CTBP2: variants seen among roughly 807,000 people sequenced by gnomAD.
CTBP2 encodes C-terminal binding protein 2.
CTBP2 carries 30 observed loss-of-function variants against 80.3 expected under a neutral mutation model. The ratio of observed to expected loss-of-function variants is 0.37; its 90% CI spans 0.28 to 0.51. The LOEUF is 0.51. Ranked by LOEUF, CTBP2 falls within the 20% of genes least tolerant of loss-of-function variation. CTBP2 has a pLI of 0.93. For synonymous variants in CTBP2, 594 were observed against 587.4 expected, an observed-to-expected ratio of 1.01 and a Z score of -0.16; for missense variants, 1,212 against 1,375.3, an observed-to-expected ratio of 0.88 and a Z score of 1.88.
chr10:125,054,177 G>T (rs551385766), intron 2 of CTBP2, among the ~76,000 whole-genome samples: 25 of 152,228 alleles, frequency 1.6e-4, no homozygotes, highest in Admixed American at 1.6e-3. Flanking sequence ...GCCAGAAAAA[G>T]AATCAATCCC....
intron 2 of CTBP2, among the ~76,000 whole-genome samples, chr10:125,046,752 C>A (rs1564793601): frequency 6.6e-6 from 1 of 152,138 alleles, no homozygotes; most frequent in Non-Finnish European, 1.5e-5. Flanking sequence ...TAGGAGAGGG[C>A]ACACTATGAG....
chr10:125,030,148 A>T (rs372764794), upstream of CTBP2, among the ~76,000 whole-genome samples: 5 of 2,420 alleles, frequency 2.1e-3, no homozygotes, highest in Non-Finnish European at 0.013. Flanking sequence ...CACAAACACC[A>T]CACACACACA....
chr10:125,005,488 C>T (rs1314870365), intron 1 of CTBP2: 4 of 1,506,922 alleles, frequency 2.7e-6, no homozygotes, highest in East Asian at 4.8e-5. Context: ...ACCAGGAAAA[C>T]AGGGCAGGGG....
chr10:125,004,306 C>T (rs986067825), intron 1 of CTBP2, among the ~76,000 whole-genome samples: 7 of 152,216 alleles, frequency 4.6e-5, no homozygotes, highest in African/African-American at 7.2e-5. Flanking sequence ...CGCATGCTTG[C>T]GCCCCGTGCA....
intron 2 of CTBP2, among the ~76,000 whole-genome samples, chr10:125,085,751 CTA>C (rs1847877576): frequency 6.6e-6 from 1 of 152,340 alleles, no homozygotes; most frequent in East Asian, 1.9e-4. Flanking sequence ...AGCTCTGCTA[CTA>C]TATGAGTTCA....
intron 1 of CTBP2, among the ~76,000 whole-genome samples, chr10:125,018,052 A>G (rs1299206083): frequency 2.6e-5 from 4 of 152,144 alleles, no homozygotes; most frequent in African/African-American, 9.7e-5. Context: ...CTCCTCCCCA[A>G]GTGTATACCA....
At chr10:125,106,943 G>A (rs965546484) in intron 2 of CTBP2, among the ~76,000 whole-genome samples, 2 of 152,240 alleles carry the variant, frequency 1.3e-5, no homozygotes, top group African/African-American at 2.4e-5. Flanking sequence ...CAAAAAGAAG[G>A]GGAATGGACG....
rs56714830 is a variant in CTBP2 at position 125,090,285 on chromosome 10, C to CAA, written c.-102+20703_-102+20704dup. Among the ~76,000 whole-genome samples, 136 of 65,412 alleles carry CAA rather than the reference C, an allele frequency of 2.1e-3. 6 individuals are homozygous for CAA. Among genetic ancestry groups the CAA allele is most frequent in the South Asian group, 3.0e-3 (5 of 1,690 alleles). 42.9% of individuals were successfully genotyped at this position (65,412 alleles called of 152,430 possible). A position where few individuals can be genotyped will look rare whatever the true frequency, so the allele number is the denominator to read the frequency against. The stretch of plus-strand genomic sequence containing the variant: ...TCTGGGCGACAGAGAGTCCCTGGCT[C>CAA]AAAAAAAAAAAAAAAAAGGTTGGGG... On this transcript the variant is annotated intron_variant, in intron 2 of 10. Transcript: ENST00000337195.
At chr10:125,049,344 A>C (rs1962148929) in intron 2 of CTBP2, among the ~76,000 whole-genome samples, 1 of 152,230 alleles carries the variant, frequency 6.6e-6, no homozygotes, top group Non-Finnish European at 1.5e-5. Flanking sequence ...GATACCACTG[A>C]GTGATACAGC....
Position 125,068,852 on chromosome 10 carries a change from C to T in CTBP2, c.-101-29697G>A, listed in dbSNP as rs143337152. On this transcript the variant is annotated intron_variant, in intron 2 of 10. Coordinates refer to the CTBP2 transcript ENST00000337195. ...AACTTGGAGGTCAGGGTTGCTTTGC[C>T]CTGCTGGGGGAATCTGCCCCTGCTG... 7.2e-5 allele frequency among the ~76,000 whole-genome samples: 11 copies of T among 152,292 alleles called. No homozygotes were observed. The East Asian group carries it at 1.5e-3, about 21-fold the overall frequency.
chr10:125,026,953 A>C lies in CTBP2; in HGVS notation c.807T>G (p.Ala269=). 6.2e-7 allele frequency: 1 copy of C among 1,614,062 alleles called. No individual in the cohort carries two copies. Among genetic ancestry groups the C allele is most frequent in the Middle Eastern group, 1.6e-4 (1 of 6,062 alleles). The change falls in exon 1 of 9, where the codon GCT becomes GCG. Residue 269 remains alanine (A), a synonymous_variant. Coordinates refer to ENST00000309035, the MANE Select transcript of CTBP2 (RefSeq NM_022802.3). ...ACAGGTCAGCTTCGTAAGTCTCGTAAGCCATCTTGGATGGGATGCTTTCCC... is the reference window on the plus strand; with the variant it reads ...ACAGGTCAGCTTCGTAAGTCTCGTACGCCATCTTGGATGGGATGCTTTCCC...
At chr10:125,102,262 C>T (rs1242776273) in intron 2 of CTBP2, among the ~76,000 whole-genome samples, 4 of 152,212 alleles carry the variant, frequency 2.6e-5, no homozygotes, top group African/African-American at 7.2e-5. Flanking sequence ...ACTCTGCCCT[C>T]CTGCCATCAC....
intron 2 of CTBP2, among the ~76,000 whole-genome samples, chr10:125,097,257 A>C (rs1225705446): frequency 6.6e-6 from 1 of 152,238 alleles, no homozygotes; most frequent in Non-Finnish European, 1.5e-5. Context: ...TGGGGTATAA[A>C]GGTAATATGG....
intron 1 of CTBP2, among the ~76,000 whole-genome samples, chr10:125,017,474 C>CG (rs1199439985): frequency 6.6e-6 from 1 of 152,186 alleles, no homozygotes; most frequent in East Asian, 1.9e-4. Context: ...CAGGATTGCA[C>CG]GGGATGCTGT....
intron 1 of CTBP2, among the ~76,000 whole-genome samples, chr10:125,136,911 C>T (rs1459120918): frequency 6.6e-6 from 1 of 152,166 alleles, no homozygotes; most frequent in Non-Finnish European, 1.5e-5. Context: ...TTGAAAGAGC[C>T]GGGAGCGATT....
chr10:125,071,921 A>G (rs1173430156), intron 2 of CTBP2, among the ~76,000 whole-genome samples: 2 of 152,134 alleles, frequency 1.3e-5, no homozygotes, highest in African/African-American at 2.4e-5. Flanking sequence ...CGGAACAGTC[A>G]GCTGCCCGCA....
intron 2 of CTBP2, among the ~76,000 whole-genome samples, chr10:125,078,258 C>T (rs1249384357): frequency 1.1e-4 from 14 of 133,028 alleles, no homozygotes; most frequent in African/African-American, 3.0e-4. Flanking sequence ...CCAGCCTGGG[C>T]GACAGAGCGA....
intron 2 of CTBP2, among the ~76,000 whole-genome samples, chr10:125,040,955 G>A (rs1476090758): frequency 6.6e-6 from 1 of 152,230 alleles, no homozygotes. Flanking sequence ...TCAACGATTG[G>A]GAAGTTCCCC....
chr10:125,128,435 A>G (rs1357274400), intron 1 of CTBP2, among the ~76,000 whole-genome samples: 1 of 152,192 alleles, frequency 6.6e-6, no homozygotes, highest in African/African-American at 2.4e-5. Flanking sequence ...GAAGGAATGA[A>G]GGAACAAGAA....
Sources: gnomAD v4.1 joint callset for allele counts (sites outside exome capture counted in the v4.1 genomes callset) on GRCh38, gnomAD v4.1.1 for gene constraint, MANE v1.5 for transcripts, NCBI Gene and HGNC (gene_info 2026-07-23, HGNC 2026-07-21) for gene names.